SCN8A: variants seen among roughly 807,000 people sequenced by gnomAD.
The protein encoded by SCN8A is sodium voltage-gated channel alpha subunit 8.
In SCN8A, 30 loss-of-function variants were observed where a neutral mutation model predicts 184.1. That is an observed-to-expected ratio of 0.16 (90% CI 0.12 to 0.22). SCN8A has a LOEUF of 0.22. SCN8A is among the 10% of genes least tolerant of loss of function. The probability of loss-of-function intolerance (pLI) is 1.00; values close to 1 mark genes in which losing one functional copy is unlikely to be tolerated. For synonymous variants in SCN8A, 852 were observed against 907.0 expected (o/e 0.94, Z 1.09); for missense variants, 1,057 against 2,498.9 (o/e 0.42, Z 12.30).
chr12:51,788,992 T>C (rs182593057), intron 23 of SCN8A, among the ~76,000 whole-genome samples: 1 of 152,308 alleles, frequency 6.6e-6, no homozygotes, highest in African/African-American at 2.4e-5. Context: ...CCAGTGAAGC[T>C]GTCTATGCTT....
intron 11 of SCN8A, chr12:51,713,191 T>G (rs1407839828): frequency 8.5e-7 from 1 of 1,179,494 alleles, no homozygotes; most frequent in Non-Finnish European, 1.3e-6. Flanking sequence ...CAAATTATAT[T>G]CCTTTGTATC....
intron 14 of SCN8A, among the ~76,000 whole-genome samples, chr12:51,760,853 G>A (rs1178093529): frequency 2.6e-5 from 4 of 151,608 alleles, no homozygotes; most frequent in African/African-American, 9.7e-5. Flanking sequence ...AAAACCTATA[G>A]GCCACTTATC....
chr12:51,596,463 A>G (rs939088811), intron 1 of SCN8A, among the ~76,000 whole-genome samples: 1 of 152,186 alleles, frequency 6.6e-6, no homozygotes, highest in Non-Finnish European at 1.5e-5. Context: ...ACTCATGTTT[A>G]GTGACTTCTT....
intron 11 of SCN8A, among the ~76,000 whole-genome samples, chr12:51,716,286 T>C (rs1423508843): frequency 6.6e-6 from 1 of 152,108 alleles, no homozygotes; most frequent in African/African-American, 2.4e-5. Flanking sequence ...GCCCAGGAGG[T>C]TGAGGCTGCA....
At chr12:51,692,038 T>C (rs1163312054) in intron 6 of SCN8A, among the ~76,000 whole-genome samples, 1 of 152,194 alleles carries the variant, frequency 6.6e-6, no homozygotes, top group Non-Finnish European at 1.5e-5. Flanking sequence ...TGGCCCATGA[T>C]TCCCCCTTAG....
intron 11 of SCN8A, among the ~76,000 whole-genome samples, chr12:51,720,951 C>T (rs1044096755): frequency 6.6e-6 from 1 of 151,182 alleles, no homozygotes; most frequent in Non-Finnish European, 1.5e-5. Context: ...CCTGTAATCC[C>T]AGCTACTCAG....
At chr12:51,624,000 C>G (rs1394025368) in intron 1 of SCN8A, among the ~76,000 whole-genome samples, 2 of 152,186 alleles carry the variant, frequency 1.3e-5, no homozygotes, top group Non-Finnish European at 2.9e-5. Flanking sequence ...TTTTCTTAAT[C>G]CAGTCTATCA....
chr12:51,650,148 CTCTG>C (rs1339912704), intron 1 of SCN8A, among the ~76,000 whole-genome samples: 4 of 152,178 alleles, frequency 2.6e-5, no homozygotes, highest in Admixed American at 2.6e-4. Context: ...AGTTCCTCAT[CTCTG>C]TCTGAGACCA....
chr12:51,737,505 T>G (rs532398931), intron 12 of SCN8A, among the ~76,000 whole-genome samples: 44 of 152,328 alleles, frequency 2.9e-4, no homozygotes, highest in Middle Eastern at 3.4e-3. Context: ...TAGGTAGGAA[T>G]GCCTAGAGCA....
intron 1 of SCN8A, among the ~76,000 whole-genome samples, chr12:51,643,438 C>T (rs934957049): frequency 6.6e-6 from 1 of 152,192 alleles, no homozygotes; most frequent in Admixed American, 6.5e-5. Flanking sequence ...ATAGGTATTA[C>T]ACCTGCTTTG....
chr12:51,605,777 T>G (rs1592323428), intron 1 of SCN8A, among the ~76,000 whole-genome samples: 1 of 152,332 alleles, frequency 6.6e-6, no homozygotes, highest in East Asian at 1.9e-4. Context: ...ATTATTTGAT[T>G]ATGGCCATTC....
chr12:51,668,215 C>G (rs1941070592), intron 2 of SCN8A, among the ~76,000 whole-genome samples: 1 of 151,744 alleles, frequency 6.6e-6, no homozygotes, highest in African/African-American at 2.4e-5. Context: ...ATATAGCTTC[C>G]TAAAGTTCAG....
At chr12:51,637,462 G>A (rs1343273465) in intron 1 of SCN8A, among the ~76,000 whole-genome samples, 1 of 152,200 alleles carries the variant, frequency 6.6e-6, no homozygotes, top group Admixed American at 6.5e-5. Context: ...GAAATTAAAA[G>A]TGCTACTCTA....
chr12:51,772,998 T>G (rs995167190), intron 19 of SCN8A, among the ~76,000 whole-genome samples: 1 of 151,960 alleles, frequency 6.6e-6, no homozygotes, highest in Admixed American at 6.5e-5. Flanking sequence ...GTGCCTGTAG[T>G]CCCAGCTACT....
intron 12 of SCN8A, among the ~76,000 whole-genome samples, chr12:51,727,053 A>G (rs552732797): frequency 4.6e-5 from 7 of 152,358 alleles, no homozygotes; most frequent in Admixed American, 1.3e-4. Flanking sequence ...TAAGAAGTCA[A>G]ACTTCCTTGG....
intron 6 of SCN8A, among the ~76,000 whole-genome samples, chr12:51,695,919 C>A (rs1941585166): frequency 6.6e-6 from 1 of 152,148 alleles, no homozygotes; most frequent in Admixed American, 6.5e-5. Flanking sequence ...TCTTAAGGAA[C>A]AGGGGATAGT....
At chr12:51,713,443 A>G (rs1327689809) in intron 11 of SCN8A, 5 of 784,998 alleles carry the variant, frequency 6.4e-6, no homozygotes, top group Middle Eastern at 2.3e-4. Flanking sequence ...CCATTTCTCA[A>G]AATGTCCTCT....
intron 1 of SCN8A, among the ~76,000 whole-genome samples, chr12:51,640,231 T>G (rs1439190614): frequency 8.9e-5 from 11 of 123,620 alleles, no homozygotes; most frequent in African/African-American, 2.1e-4. Flanking sequence ...TTTTTTTTTT[T>G]TTTTTTTTTT....
chr12:51,632,292 T>A (rs1940213334), intron 1 of SCN8A, among the ~76,000 whole-genome samples: 1 of 152,236 alleles, frequency 6.6e-6, no homozygotes, highest in Admixed American at 6.5e-5. Context: ...AAATGATTTT[T>A]CTGCTAAGTG....
Sources: gnomAD v4.1 joint callset for allele counts (sites outside exome capture counted in the v4.1 genomes callset) on GRCh38, gnomAD v4.1.1 for gene constraint, MANE v1.5 for transcripts, NCBI Gene and HGNC (gene_info 2026-07-23, HGNC 2026-07-21) for gene names.